DLG2: variants seen among roughly 807,000 people sequenced by gnomAD.
The protein encoded by DLG2 is discs large MAGUK scaffold protein 2, also known as disks large homolog 2.
In DLG2, 45 loss-of-function variants were observed where a neutral mutation model predicts 132.5. The observed-to-expected ratio is 0.34, with a 90% CI of 0.27 to 0.44. The LOEUF is 0.44. Among genes scored for constraint, DLG2 ranks in the 20% least tolerant of loss-of-function variants. The pLI, the probability that DLG2 is intolerant of heterozygous loss-of-function variation, is 1.00. For missense variants in DLG2, 1,045 were observed against 1,196.9 expected (o/e 0.87, Z 1.87); for synonymous variants, 424 against 419.6 (o/e 1.01, Z -0.13).
intron 6 of DLG2, among the ~76,000 whole-genome samples, chr11:85,058,371 T>C (rs566472236): frequency 4.6e-5 from 7 of 151,532 alleles, no homozygotes; most frequent in Non-Finnish European, 1.0e-4. Context: ...TTATAAAGTA[T>C]TGAAAGAAAT....
chr11:84,555,482 A>G (rs2099410138), intron 6 of DLG2, among the ~76,000 whole-genome samples: 1 of 152,194 alleles, frequency 6.6e-6, no homozygotes, highest in African/African-American at 2.4e-5. Flanking sequence ...ATTCAGCTTT[A>G]AAAAAGAAAG....
intron 7 of DLG2, among the ~76,000 whole-genome samples, chr11:84,350,174 T>TA (rs1555518887): frequency 2.4e-5 from 2 of 81,930 alleles, no homozygotes; most frequent in East Asian, 3.3e-4. Flanking sequence ...AGAGACTTCG[T>TA]CCCCCCCCCC....
intron 19 of DLG2, among the ~76,000 whole-genome samples, chr11:83,545,063 C>G (rs867649593): frequency 5.9e-5 from 9 of 152,096 alleles, no homozygotes; most frequent in African/African-American, 2.2e-4. Context: ...ACTCCAGGCT[C>G]CTTCTGGATG....
At chr11:85,265,577 T>A (rs562768378) in intron 4 of DLG2, among the ~76,000 whole-genome samples, 26 of 152,322 alleles carry the variant, frequency 1.7e-4, no homozygotes, top group African/African-American at 6.3e-4. Flanking sequence ...AACCCCACCT[T>A]CAAGCCAAAT....
intron 6 of DLG2, among the ~76,000 whole-genome samples, chr11:84,654,732 A>G (rs2099686179): frequency 6.6e-6 from 1 of 152,220 alleles, no homozygotes; most frequent in African/African-American, 2.4e-5. Flanking sequence ...TGTTGGATGC[A>G]AAGCTACCTC....
intron 3 of DLG2, among the ~76,000 whole-genome samples, chr11:85,434,418 A>C (rs558120499): frequency 1.3e-5 from 2 of 152,032 alleles, no homozygotes; most frequent in East Asian, 1.9e-4. Context: ...AAAAAAAAAT[A>C]GACCACTAAC....
intron 6 of DLG2, among the ~76,000 whole-genome samples, chr11:84,542,092 A>G (rs952248361): frequency 1.3e-5 from 2 of 151,860 alleles, no homozygotes; most frequent in African/African-American, 2.4e-5. Context: ...AAAGTGCTCT[A>G]CTTCCCCCTT....
intron 3 of DLG2, among the ~76,000 whole-genome samples, chr11:85,439,613 C>A (rs568160228): frequency 1.3e-5 from 2 of 152,246 alleles, no homozygotes; most frequent in African/African-American, 4.8e-5. Flanking sequence ...CCCGCCTCGG[C>A]CTCCCAAAGT....
chr11:83,582,305 T>C (rs771441574), intron 19 of DLG2, among the ~76,000 whole-genome samples: 18 of 152,142 alleles, frequency 1.2e-4, no homozygotes, highest in Non-Finnish European at 2.2e-4. Flanking sequence ...CCCCTGGTAA[T>C]AGTGCTTTGG....
chr11:84,338,782 G>A (rs942160739), intron 7 of DLG2, among the ~76,000 whole-genome samples: 1 of 151,950 alleles, frequency 6.6e-6, no homozygotes. Flanking sequence ...CTCCAGCCTG[G>A]GTGACAGAGT....
intron 3 of DLG2, among the ~76,000 whole-genome samples, chr11:85,292,304 A>T (rs1236373716): frequency 6.6e-6 from 1 of 152,068 alleles, no homozygotes; most frequent in Non-Finnish European, 1.5e-5. Flanking sequence ...GTACCAAGAA[A>T]AGTTTCTTTA....
intron 6 of DLG2, among the ~76,000 whole-genome samples, chr11:84,817,688 T>G (rs529318014): frequency 6.6e-6 from 1 of 152,104 alleles, no homozygotes; most frequent in Admixed American, 6.6e-5. Context: ...AATTTGCTAG[T>G]GAAGGTATAA....
chr11:85,252,554 C>A (rs960291346), intron 4 of DLG2, among the ~76,000 whole-genome samples: 1 of 151,868 alleles, frequency 6.6e-6, no homozygotes, highest in Non-Finnish European at 1.5e-5. Context: ...CCACTGCACT[C>A]CAACCTGGGC....
intron 6 of DLG2, among the ~76,000 whole-genome samples, chr11:84,581,894 A>G (rs1253483024): frequency 3.4e-5 from 5 of 145,500 alleles, no homozygotes; most frequent in African/African-American, 5.1e-5. Context: ...CGACACAGTG[A>G]GACTTGGTCT....
chr11:85,228,052 T>C (rs2075079738), intron 4 of DLG2, among the ~76,000 whole-genome samples: 1 of 152,104 alleles, frequency 6.6e-6, no homozygotes, highest in Non-Finnish European at 1.5e-5. Context: ...CCTAAATATC[T>C]TTATTTTTTT....
intron 19 of DLG2, among the ~76,000 whole-genome samples, chr11:83,570,923 C>G (rs2096785363): frequency 6.6e-6 from 1 of 152,090 alleles, no homozygotes; most frequent in Non-Finnish European, 1.5e-5. Context: ...GCTCTTGTTG[C>G]CCAGGCTGGA....
At chr11:83,897,259 C>T (rs529385548) in intron 15 of DLG2, among the ~76,000 whole-genome samples, 1 of 152,072 alleles carries the variant, frequency 6.6e-6, no homozygotes, top group East Asian at 1.9e-4. Context: ...CTATTTGGGC[C>T]ATAGCTGAAT....
intron 15 of DLG2, among the ~76,000 whole-genome samples, chr11:83,919,191 C>A (rs1172372340): frequency 2.0e-5 from 3 of 152,140 alleles, no homozygotes; most frequent in African/African-American, 7.2e-5. Flanking sequence ...TGGTAGAAAT[C>A]TGGTAGAGGC....
chr11:84,628,526 T>G (rs756309247), intron 6 of DLG2, among the ~76,000 whole-genome samples: 1 of 152,242 alleles, frequency 6.6e-6, no homozygotes, highest in Non-Finnish European at 1.5e-5. Context: ...ACTTTTATTA[T>G]AAGAACTACA....
Sources: allele counts gnomAD v4.1 joint callset (sites outside exome capture counted in the v4.1 genomes callset), GRCh38; gene constraint gnomAD v4.1.1; transcripts MANE v1.5; gene names NCBI Gene and HGNC (gene_info 2026-07-23, HGNC 2026-07-21).